The following ATF7IP2 variants were observed in gnomAD, a reference collection of about 807,000 sequenced individuals.
ATF7IP2 encodes the protein activating transcription factor 7-interacting protein 2.
A neutral mutation model predicts 64.2 loss-of-function variants in ATF7IP2; 42 were observed. The ratio of observed to expected loss-of-function variants is 0.65; its 90% CI spans 0.51 to 0.85. The LOEUF is 0.85. ATF7IP2 is among the 40% of genes least tolerant of loss of function. The probability of loss-of-function intolerance (pLI) is 0.00; values close to 1 mark genes in which losing one functional copy is unlikely to be tolerated. For missense variants in ATF7IP2, 933 were observed against 784.2 expected (o/e 1.19, Z -2.27); for synonymous variants, 308 against 272.8 (o/e 1.13, Z -1.27).
At chr16:10,420,497 C>G (rs1378856551) in intron 3 of ATF7IP2, among the ~76,000 whole-genome samples, 1 of 152,140 alleles carries the variant, frequency 6.6e-6, no homozygotes, top group Non-Finnish European at 1.5e-5. Flanking sequence ...AATGCTATAC[C>G]TGCGTTTGAG....
intron 8 of ATF7IP2, 95 bp downstream of exon 8, chr16:10,440,557 G>A (rs1043224228): frequency 8.7e-5 from 64 of 735,696 alleles, no homozygotes; most frequent in Admixed American, 4.6e-4. Context: ...TAGGACAGAA[G>A]GTGTAAAGGT....
chr16:10,446,154 T>C (rs566244396), intron 8 of ATF7IP2: 1 of 152,204 alleles, frequency 6.6e-6, no homozygotes, highest in South Asian at 2.1e-4. Context: ...TATAAATAAG[T>C]GCTGCCCTGT....
chr16:10,400,829 C>G (rs2047516380), intron 1 of ATF7IP2, among the ~76,000 whole-genome samples: 1 of 151,822 alleles, frequency 6.6e-6, no homozygotes, highest in Non-Finnish European at 1.5e-5. Flanking sequence ...TTACAGGTGC[C>G]CGCCACCATG....
At chr16:10,398,632 G>A (rs1474658377) in intron 1 of ATF7IP2, among the ~76,000 whole-genome samples, 1 of 152,084 alleles carries the variant, frequency 6.6e-6, no homozygotes. Flanking sequence ...TCATTTGCAA[G>A]AACATGAATA....
At position 10,482,024 on chromosome 16, in the gene ATF7IP2, A is replaced by G; in HGVS notation, c.1824A>G (p.Val608=). The stretch of plus-strand genomic sequence containing the variant: ...AAATCAATCCCAAGTGTGCTCCTGT[A>G]GAAAGCTACCACCTCTTCCTGTGTC... ...ITKINPKCAP[V]ESYHLFLCHE... Residue 608 remains valine, a synonymous_variant, in exon 14 of 14, where the codon GTA becomes GTG. Transcript: ENST00000562102. 1 of 1,614,004 alleles carries G rather than the reference A, an allele frequency of 6.2e-7. No individual in the cohort carries two copies. Among genetic ancestry groups the G allele is most frequent in the Non-Finnish European group, 8.5e-7 (1 of 1,179,946 alleles).
chr16:10,416,709 A>G (rs2047887254), intron 2 of ATF7IP2, among the ~76,000 whole-genome samples: 1 of 152,164 alleles, frequency 6.6e-6, no homozygotes. Flanking sequence ...AGGCAGCAGA[A>G]TCACATGAAC....
intron 7 of ATF7IP2, among the ~76,000 whole-genome samples, chr16:10,438,809 C>G (rs1450842595): frequency 1.3e-5 from 2 of 152,150 alleles, no homozygotes; most frequent in African/African-American, 4.8e-5. Flanking sequence ...AATCCCAGCA[C>G]TTTGGGAGGC....
chr16:10,479,168 T>C (rs1277442006), intron 12 of ATF7IP2, among the ~76,000 whole-genome samples: 1 of 150,598 alleles, frequency 6.6e-6, no homozygotes, highest in Non-Finnish European at 1.5e-5. Context: ...CCCAAAGGAC[T>C]ATAAATCATG....
chr16:10,417,325 C>T (rs984987768), intron 2 of ATF7IP2, among the ~76,000 whole-genome samples: 4 of 152,062 alleles, frequency 2.6e-5, no homozygotes, highest in Admixed American at 1.3e-4. Flanking sequence ...GTATATGCTG[C>T]TTACCAGAAA....
chr16:10,412,212 G>A (rs938892135), intron 1 of ATF7IP2, among the ~76,000 whole-genome samples: 14 of 150,468 alleles, frequency 9.3e-5, no homozygotes, highest in African/African-American at 3.4e-4. Context: ...TCTTTCTTGT[G>A]CTGTGTTTGG....
chr16:10,466,239 C>A (rs1370460642), intron 9 of ATF7IP2, among the ~76,000 whole-genome samples: 1 of 152,198 alleles, frequency 6.6e-6, no homozygotes, highest in African/African-American at 2.4e-5. Flanking sequence ...TTATATCTAT[C>A]ATATGAATGT....
In ATF7IP2 at chr16:10,482,061, AAT is replaced by A; in HGVS notation, c.1863_1864del (p.Asn621LysfsTer2). 6.2e-7 allele frequency: 1 copy of A among 1,614,034 alleles called. No individual in the cohort carries two copies. Among genetic ancestry groups the A allele is most frequent in the East Asian group, 2.2e-5 (1 of 44,880 alleles). ...CCTCTTCCTGTGTCATGAGAACTCT[AAT>A]AATAAGTTGATTTGGAAGAAGATTG... ...YHLFLCHENS[N>X]NKLIWKKIGE... On this transcript the variant is annotated frameshift_variant, in exon 14 of 14. Coordinates refer to ENST00000562102, the MANE Select transcript of ATF7IP2 (RefSeq NM_001393719.1). LOFTEE classifies it high-confidence loss of function.
intron 3 of ATF7IP2, among the ~76,000 whole-genome samples, chr16:10,426,287 C>T (rs1202609141): frequency 6.6e-6 from 1 of 152,180 alleles, no homozygotes; most frequent in Admixed American, 6.5e-5. Context: ...TGGTAGGGAT[C>T]CCCAATTAGT....
At chr16:10,471,564 C>A (rs2049801683) in intron 9 of ATF7IP2, among the ~76,000 whole-genome samples, 1 of 151,904 alleles carries the variant, frequency 6.6e-6, no homozygotes, top group African/African-American at 2.4e-5. Flanking sequence ...AAAAAAGGGT[C>A]AAAATGGCTT....
chr16:10,433,933 A>G (rs2048337255), intron 6 of ATF7IP2, among the ~76,000 whole-genome samples: 2 of 152,218 alleles, frequency 1.3e-5, no homozygotes, highest in South Asian at 2.1e-4. Flanking sequence ...TATTACACTC[A>G]TATTTGTCTG....
intron 8 of ATF7IP2, chr16:10,446,290 C>T (rs909910047): frequency 6.6e-6 from 1 of 152,212 alleles, no homozygotes; most frequent in East Asian, 1.9e-4. Context: ...TTAAGTGAAT[C>T]ATCAGTGGAT....
At chr16:10,480,617 G>C (rs2050186035) in intron 12 of ATF7IP2, among the ~76,000 whole-genome samples, 1 of 150,306 alleles carries the variant, frequency 6.7e-6, no homozygotes, top group African/African-American at 2.5e-5. Flanking sequence ...AGAGATCTCT[G>C]TCCCATGTGT....
chr16:10,435,937 A>G (rs1054618048), intron 6 of ATF7IP2, among the ~76,000 whole-genome samples: 1 of 152,206 alleles, frequency 6.6e-6, no homozygotes, highest in African/African-American at 2.4e-5. Flanking sequence ...TCCACGTTCA[A>G]AAGATTTAGA....
At chr16:10,479,450 A>G (rs2050135012) in intron 12 of ATF7IP2, among the ~76,000 whole-genome samples, 1 of 152,082 alleles carries the variant, frequency 6.6e-6, no homozygotes, top group African/African-American at 2.4e-5. Flanking sequence ...GAATTGAACA[A>G]TGAGAACACA....
Sources: allele counts gnomAD v4.1 joint callset (sites outside exome capture counted in the v4.1 genomes callset), GRCh38; gene constraint gnomAD v4.1.1; transcripts MANE v1.5; gene names NCBI Gene and HGNC (gene_info 2026-07-23, HGNC 2026-07-21).